TANC2: variants seen among roughly 807,000 people sequenced by gnomAD.
The protein encoded by TANC2 is tetratricopeptide repeat, ankyrin repeat and coiled-coil containing 2, also known as protein TANC2.
TANC2 carries 26 observed loss-of-function variants against 210.5 expected under a neutral mutation model. The observed-to-expected ratio is 0.12, with a 90% CI of 0.09 to 0.17. The LOEUF (loss-of-function observed/expected upper bound fraction) is 0.17, where lower values mean the gene tolerates loss of function less well. TANC2 is among the 10% of genes least tolerant of loss of function. The pLI, the probability that TANC2 is intolerant of heterozygous loss-of-function variation, is 1.00. For synonymous variants in TANC2, 931 were observed against 967.1 expected (o/e 0.96, Z 0.69); for missense variants, 2,129 against 2,608.9 (o/e 0.82, Z 4.01).
intron 1 of TANC2, among the ~76,000 whole-genome samples, chr17:62,988,295 CTTTTTTTTT>C (rs59386058): frequency 8.9e-6 from 1 of 111,738 alleles, no homozygotes; most frequent in South Asian, 3.0e-4. Flanking sequence ...ACCTGGCTAA[CTTTTTTTTT>C]TTTTTTTTTT....
chr17:63,118,316 G>A (rs902074981), intron 4 of TANC2, among the ~76,000 whole-genome samples: 4 of 152,016 alleles, frequency 2.6e-5, no homozygotes, highest in Non-Finnish European at 5.9e-5. Context: ...TCTCAGTTGA[G>A]TTTAGACTAA....
At chr17:62,982,817 C>G (rs1472272993) in intron 1 of TANC2, among the ~76,000 whole-genome samples, 1 of 152,134 alleles carries the variant, frequency 6.6e-6, no homozygotes, top group African/African-American at 2.4e-5. Context: ...TTCCACTGGT[C>G]TATGTGTCTG....
chr17:63,082,443 A>G (rs1396403387), intron 3 of TANC2, among the ~76,000 whole-genome samples: 2 of 152,220 alleles, frequency 1.3e-5, no homozygotes, highest in African/African-American at 2.4e-5. Flanking sequence ...TTGAAGAGCT[A>G]GTTCCCACAA....
At chr17:62,995,772 A>C (rs2033080082) in intron 1 of TANC2, among the ~76,000 whole-genome samples, 1 of 152,188 alleles carries the variant, frequency 6.6e-6, no homozygotes, top group African/African-American at 2.4e-5. Flanking sequence ...TCTTCAGTGC[A>C]GTTCAAAATT....
At chr17:63,372,496 T>C (rs543159421) in intron 14 of TANC2, among the ~76,000 whole-genome samples, 2 of 152,194 alleles carry the variant, frequency 1.3e-5, no homozygotes, top group Non-Finnish European at 2.9e-5. Context: ...TTGTGGTTAC[T>C]GGTCATTCCT....
At position 63,331,347 on chromosome 17, in the gene TANC2, A is replaced by G. The variant is rs142792666; in HGVS notation, c.1576-8754A>G. The stretch of plus-strand genomic sequence containing the variant: ...TGTCAAAGAAGTGGCTTACTAGTAT[A>G]AACAGTGCAAATGGTCTAAAGGCTT... On this transcript the variant is annotated intron_variant, in intron 11 of 27. Transcript: ENST00000689528. 2.4e-3 allele frequency among the ~76,000 whole-genome samples: 369 copies of G among 152,368 alleles called. 2 individuals carry two copies. The highest frequency in any genetic ancestry group is 4.4e-3 in the Non-Finnish European group (300 of 68,044).
chr17:63,422,035 T>C, exon 28 of TANC2: 2 of 1,487,772 alleles, frequency 1.3e-6, no homozygotes, highest in Non-Finnish European at 9.0e-7. Flanking sequence ...GGTAGTTCTC[T>C]GGCTTAATTT....
intron 1 of TANC2, chr17:63,004,865 G>T: frequency 3.2e-6 from 1 of 315,476 alleles, no homozygotes; most frequent in South Asian, 2.9e-5. Context: ...AGAGGAGCAG[G>T]TTTAGCAGAC....
exon 21 of TANC2, chr17:63,406,250 G>A (rs1356647932): frequency 1.2e-6 from 2 of 1,613,810 alleles, no homozygotes; most frequent in African/African-American, 2.7e-5. Flanking sequence ...AGGCCATCTA[G>A]GAACCGTGGA....
intron 3 of TANC2, among the ~76,000 whole-genome samples, chr17:63,083,749 CAT>C (rs1432859061): frequency 6.6e-6 from 1 of 152,108 alleles, no homozygotes; most frequent in Non-Finnish European, 1.5e-5. Context: ...TGGATATGAT[CAT>C]GTGATTTTTC....
At chr17:63,341,407 G>A (rs1201232724) in intron 12 of TANC2, among the ~76,000 whole-genome samples, 1 of 152,092 alleles carries the variant, frequency 6.6e-6, no homozygotes, top group Non-Finnish European at 1.5e-5. Context: ...CACCCACTTG[G>A]CTCAATTGTT....
chr17:63,347,250 T>C (rs1297705125), intron 12 of TANC2, among the ~76,000 whole-genome samples: 1 of 152,152 alleles, frequency 6.6e-6, no homozygotes, highest in Admixed American at 6.5e-5. Context: ...AAAATAATAG[T>C]ACAATCAGTG....
At chr17:63,234,346 T>C (rs2146028100) in intron 7 of TANC2, among the ~76,000 whole-genome samples, 1 of 152,342 alleles carries the variant, frequency 6.6e-6, no homozygotes, top group Non-Finnish European at 1.5e-5. Flanking sequence ...AAGTAGGCAG[T>C]TTCTTGGCTT....
At chr17:63,118,377 T>C (rs2038332410) in intron 4 of TANC2, among the ~76,000 whole-genome samples, 1 of 152,232 alleles carries the variant, frequency 6.6e-6, no homozygotes, top group African/African-American at 2.4e-5. Context: ...TTGGTAATTA[T>C]CAACAAGATA....
chr17:62,982,251 TA>T (rs1244554344), intron 1 of TANC2, among the ~76,000 whole-genome samples: 1 of 152,106 alleles, frequency 6.6e-6, no homozygotes, highest in Non-Finnish European at 1.5e-5. Flanking sequence ...TCACCATGAA[TA>T]ACAAAGACAC....
chr17:63,269,949 A>G (rs1201596982), intron 9 of TANC2, among the ~76,000 whole-genome samples: 1 of 152,160 alleles, frequency 6.6e-6, no homozygotes, highest in Non-Finnish European at 1.5e-5. Context: ...GTCTTAACTT[A>G]TTGTTTACAT....
chr17:63,094,749 T>C (rs975586736), intron 3 of TANC2, among the ~76,000 whole-genome samples: 2 of 152,178 alleles, frequency 1.3e-5, no homozygotes, highest in Admixed American at 6.5e-5. Flanking sequence ...TTGGTGTCCA[T>C]ACACTTTAGA....
At chr17:63,383,514 T>C (rs1198370068) in intron 15 of TANC2, among the ~76,000 whole-genome samples, 7 of 152,172 alleles carry the variant, frequency 4.6e-5, no homozygotes, top group Non-Finnish European at 1.0e-4. Flanking sequence ...ATTTAAGATT[T>C]CTACATGTCT....
At chr17:62,967,214 A>C (rs1300598433) in intron 1 of TANC2, 8 of 152,202 alleles carry the variant, frequency 5.3e-5, no homozygotes, top group Non-Finnish European at 2.9e-5. Context: ...CTGGGAAAGG[A>C]GGTGTAGCAT....
Sources: allele counts gnomAD v4.1 joint callset (sites outside exome capture counted in the v4.1 genomes callset), GRCh38; gene constraint gnomAD v4.1.1; transcripts MANE v1.5; gene names NCBI Gene and HGNC (gene_info 2026-07-23, HGNC 2026-07-21).